CDH4: variants seen among roughly 807,000 people sequenced by gnomAD.
CDH4 encodes cadherin-4.
CDH4 carries 33 observed loss-of-function variants against 86.0 expected under a neutral mutation model. The ratio of observed to expected loss-of-function variants is 0.38; its 90% CI spans 0.29 to 0.51. The LOEUF (loss-of-function observed/expected upper bound fraction) is 0.51. Ranked by LOEUF, CDH4 falls within the 20% of genes least tolerant of loss-of-function variation. CDH4 has a pLI of 0.86. For synonymous variants in CDH4, 555 were observed against 549.4 expected (o/e 1.01, Z -0.14); for missense variants, 1,114 against 1,307.4 (o/e 0.85, Z 2.28).
chr20:61,413,166 C>T (rs1428513221), intron 2 of CDH4, among the ~76,000 whole-genome samples: 2 of 151,910 alleles, frequency 1.3e-5, no homozygotes, highest in African/African-American at 4.8e-5. Context: ...TGGAAGCTCC[C>T]CTCCCCATTC....
Position 61,802,820 on chromosome 20 carries a change from G to A in CDH4, c.576+29638G>A, listed in dbSNP as rs181340958. On this transcript the variant is annotated intron_variant, in intron 4 of 15. Transcript: ENST00000614565. ...TTCCCACCACGGGGCCCTGTCTGTG[G>A]CCACCGCCGTCCACAGAGGCTTCAC... 4.8e-3 allele frequency among the ~76,000 whole-genome samples: 724 copies of A among 152,326 alleles called. 5 individuals are homozygous for A. The highest frequency in any genetic ancestry group is 0.026 in the South Asian group (126 of 4,828).
chr20:61,608,395 A>G (rs770054209), intron 2 of CDH4, among the ~76,000 whole-genome samples: 47 of 152,316 alleles, frequency 3.1e-4, no homozygotes, highest in Non-Finnish European at 2.9e-4. Flanking sequence ...GACAGCCCAC[A>G]AAGCATCCCT....
intron 2 of CDH4, among the ~76,000 whole-genome samples, chr20:61,588,628 C>A (rs74626481): frequency 6.6e-6 from 1 of 152,118 alleles, no homozygotes; most frequent in Non-Finnish European, 1.5e-5. Flanking sequence ...GGGCCCTCCC[C>A]CTCCCGAGAC....
At chr20:61,585,173 A>G (rs75133860) in intron 2 of CDH4, among the ~76,000 whole-genome samples, 2,247 of 152,362 alleles carry the variant, frequency 0.015, 34 homozygotes, top group African/African-American at 0.036. Flanking sequence ...TCTGCTCTGA[A>G]ACGTTCCAAT....
At chr20:61,770,862 G>A (rs1365350318) in intron 3 of CDH4, among the ~76,000 whole-genome samples, 127 of 138,740 alleles carry the variant, frequency 9.2e-4, no homozygotes, top group African/African-American at 3.1e-3. Context: ...CAGCCTGGGC[G>A]ACAGAGCGAG....
intron 2 of CDH4, among the ~76,000 whole-genome samples, chr20:61,657,095 G>A (rs546655028): frequency 6.6e-6 from 1 of 152,182 alleles, no homozygotes; most frequent in Non-Finnish European, 1.5e-5. Flanking sequence ...CTAATGACTG[G>A]GCTTATGCCA....
At chr20:61,555,703 G>A (rs1347613355) in intron 2 of CDH4, among the ~76,000 whole-genome samples, 2 of 152,190 alleles carry the variant, frequency 1.3e-5, no homozygotes, top group Non-Finnish European at 2.9e-5. Context: ...GGACCCATGT[G>A]GTGAGTTATG....
intron 2 of CDH4, among the ~76,000 whole-genome samples, chr20:61,262,437 C>A (rs73311197): frequency 2.0e-5 from 3 of 152,166 alleles, no homozygotes; most frequent in Non-Finnish European, 4.4e-5. Context: ...CCCCTTTGCA[C>A]GCTTTTGCCT....
chr20:61,567,329 A>C (rs1276039445), intron 2 of CDH4, among the ~76,000 whole-genome samples: 5 of 152,188 alleles, frequency 3.3e-5, no homozygotes, highest in African/African-American at 1.2e-4. Flanking sequence ...ACAGAAATGT[A>C]CTTTTCACAG....
intron 2 of CDH4, among the ~76,000 whole-genome samples, chr20:61,286,263 C>T (rs943472750): frequency 2.0e-5 from 3 of 152,246 alleles, no homozygotes; most frequent in African/African-American, 7.2e-5. Flanking sequence ...GGGTGAGAGC[C>T]TTCTGTTCAA....
intron 2 of CDH4, among the ~76,000 whole-genome samples, chr20:61,346,755 A>T (rs2084681439): frequency 6.6e-6 from 1 of 152,040 alleles, no homozygotes; most frequent in Non-Finnish European, 1.5e-5. Flanking sequence ...AAAAAAAAAA[A>T]AATTAACCCC....
At position 61,923,596 on chromosome 20, in the gene CDH4, T is replaced by G; in HGVS notation, c.1520T>G (p.Phe507Cys). ...ATGGACATCAACGAGGCTCCCTACT[T>G]CCCCTCAAACCACAAGCTGATCCGC... ...SIMDINEAPY[F>C]PSNHKLIRLE... Residue 507 changes from phenylalanine to cysteine, a missense_variant, in exon 10 of 16, where the codon TTC becomes TGC. Coordinates refer to ENST00000614565, the MANE Select transcript of CDH4 (RefSeq NM_001794.5). The G allele has an allele frequency of 6.2e-7, 1 of 1,614,074 alleles. No homozygotes were observed.
In CDH4 at chr20:61,378,714, G is replaced by C. The variant is rs181905813; in HGVS notation, c.169+123777G>C. ...AATGACATCATAGGTTCTAGGGATT[G>C]ACAAGGATGTATTTTGGCCATCAGA... On this transcript the variant is annotated intron_variant, in intron 2 of 15. Coordinates refer to ENST00000614565, the MANE Select transcript of CDH4 (RefSeq NM_001794.5). 3.3e-5 allele frequency among the ~76,000 whole-genome samples: 5 copies of C among 152,328 alleles called. No homozygotes were observed. In the East Asian group the frequency reaches 9.6e-4, roughly 29 times the overall value.
intron 9 of CDH4, among the ~76,000 whole-genome samples, chr20:61,921,625 A>T (rs1471405845): frequency 6.6e-6 from 1 of 152,040 alleles, no homozygotes; most frequent in Non-Finnish European, 1.5e-5. Context: ...GGTGGCGGGC[A>T]CCTGTAATCC....
At chr20:61,897,696 G>A (rs1159094465) in intron 8 of CDH4, among the ~76,000 whole-genome samples, 11 of 152,198 alleles carry the variant, frequency 7.2e-5, no homozygotes, top group Non-Finnish European at 1.2e-4. Context: ...AGAGAGAGGC[G>A]TCTCTGTGCT....
intron 4 of CDH4, among the ~76,000 whole-genome samples, chr20:61,809,160 C>G (rs915892599): frequency 6.6e-6 from 1 of 152,124 alleles, no homozygotes; most frequent in East Asian, 1.9e-4. Flanking sequence ...TCTGATTCCG[C>G]GAATCCGGGT....
chr20:61,327,175 T>A (rs982229818), intron 2 of CDH4, among the ~76,000 whole-genome samples: 18 of 152,146 alleles, frequency 1.2e-4, no homozygotes, highest in Non-Finnish European at 2.2e-4. Flanking sequence ...AAAAAATGTA[T>A]CCACCCAGAA....
chr20:61,559,407 G>A (rs66494466), intron 2 of CDH4, among the ~76,000 whole-genome samples: 20,221 of 152,102 alleles, frequency 0.13, 1,490 homozygotes, highest in African/African-American at 0.2. Flanking sequence ...GAGGACCTCC[G>A]GGAGCCACCT....
chr20:61,590,101 C>T (rs1436510932), intron 2 of CDH4, among the ~76,000 whole-genome samples: 5 of 147,232 alleles, frequency 3.4e-5, no homozygotes, highest in Middle Eastern at 3.3e-3. Context: ...TCAGGAGCAA[C>T]AGGAAGCACA....
Sources: allele counts gnomAD v4.1 joint callset (sites outside exome capture counted in the v4.1 genomes callset), GRCh38; gene constraint gnomAD v4.1.1; transcripts MANE v1.5; gene names NCBI Gene and HGNC (gene_info 2026-07-23, HGNC 2026-07-21).